The following TRPM3 variants were observed in gnomAD, a reference collection of about 807,000 sequenced individuals.
The protein encoded by TRPM3 is transient receptor potential cation channel subfamily M member 3.
TRPM3 carries 77 observed loss-of-function variants against 181.2 expected under a neutral mutation model. The ratio of observed to expected loss-of-function variants is 0.42; its 90% CI spans 0.35 to 0.51. The LOEUF is 0.51. Ranked by LOEUF, TRPM3 falls within the 20% of genes least tolerant of loss-of-function variation. The pLI, the probability that TRPM3 is intolerant of heterozygous loss-of-function variation, is 0.01. For missense variants in TRPM3, 1,759 were observed against 2,196.7 expected, an observed-to-expected ratio of 0.80 and a Z score of 3.98; for synonymous variants, 745 against 796.4, an observed-to-expected ratio of 0.94 and a Z score of 1.09.
At chr9:71,310,519 T>A (rs1242449657) in intron 1 of TRPM3, among the ~76,000 whole-genome samples, 1 of 152,078 alleles carries the variant, frequency 6.6e-6, no homozygotes, top group African/African-American at 2.4e-5. Flanking sequence ...GAAAGTAGTA[T>A]CTGTTAACAT....
intron 1 of TRPM3, among the ~76,000 whole-genome samples, chr9:71,150,767 C>T (rs949723079): frequency 6.6e-6 from 1 of 152,064 alleles, no homozygotes; most frequent in Middle Eastern, 3.4e-3. Context: ...ATCTAAATCA[C>T]ATGGAAAAAT....
chr9:70,790,472 C>T (rs2085104535), intron 6 of TRPM3, among the ~76,000 whole-genome samples: 1 of 152,120 alleles, frequency 6.6e-6, no homozygotes, highest in African/African-American at 2.4e-5. Flanking sequence ...CTTGCCTTGC[C>T]AGCTCCAGGG....
At chr9:70,889,960 C>T (rs1193229819) in intron 1 of TRPM3, among the ~76,000 whole-genome samples, 3 of 147,312 alleles carry the variant, frequency 2.0e-5, no homozygotes, top group Non-Finnish European at 3.0e-5. Context: ...ATATAACATA[C>T]TATAAAATAT....
At chr9:70,596,154 T>C (rs991719515) in intron 21 of TRPM3, among the ~76,000 whole-genome samples, 2 of 152,202 alleles carry the variant, frequency 1.3e-5, no homozygotes, top group African/African-American at 4.8e-5. Context: ...TTCTAATAAT[T>C]ACAACAATAA....
intron 20 of TRPM3, among the ~76,000 whole-genome samples, chr9:70,602,065 A>G (rs1462281385): frequency 1.3e-5 from 2 of 149,274 alleles, no homozygotes; most frequent in Non-Finnish European, 1.5e-5. Context: ...GAATGGGAAG[A>G]CCGAAGTGCA....
At chr9:70,669,913 T>A (rs532847802) in intron 9 of TRPM3, among the ~76,000 whole-genome samples, 38 of 152,150 alleles carry the variant, frequency 2.5e-4, no homozygotes, top group South Asian at 1.2e-3. Flanking sequence ...TTTAAAAAAA[T>A]TTTTGTAGAC....
chr9:71,066,842 T>C (rs2133447507), intron 1 of TRPM3, among the ~76,000 whole-genome samples: 1 of 152,334 alleles, frequency 6.6e-6, no homozygotes, highest in African/African-American at 2.4e-5. Flanking sequence ...TTCCCTCTTT[T>C]TATCTAGTCT....
Position 71,070,211 on chromosome 9 carries a change from G to A in TRPM3, c.177+50967C>T, listed in dbSNP as rs536885538. Reference sequence around the variant, plus strand: ...GAGGAGGAAATATCCTTGATCAGCAGAAAACAAAATCGGAGAAGTCTATAA... The same window carrying A: ...GAGGAGGAAATATCCTTGATCAGCAAAAAACAAAATCGGAGAAGTCTATAA... On this transcript the variant is annotated intron_variant, in intron 1 of 25. Transcript: ENST00000677713. Among the ~76,000 whole-genome samples, 9 of 152,322 alleles carry A rather than the reference G, an allele frequency of 5.9e-5. No individual in the cohort carries two copies. The East Asian group carries it at 1.5e-3, about 26-fold the overall frequency.
At chr9:71,261,850 G>A (rs761231083) in intron 1 of TRPM3, among the ~76,000 whole-genome samples, 1 of 152,162 alleles carries the variant, frequency 6.6e-6, no homozygotes, top group Non-Finnish European at 1.5e-5. Flanking sequence ...AACAGCAAAG[G>A]TTCCTGCCTG....
At chr9:70,830,093 T>A (rs60993053) in intron 5 of TRPM3, among the ~76,000 whole-genome samples, 30,306 of 152,112 alleles carry the variant, frequency 0.2, 3,191 homozygotes, top group East Asian at 0.28. Flanking sequence ...CAAAGCAGTC[T>A]GTGAGAGGCA....
intron 5 of TRPM3, among the ~76,000 whole-genome samples, chr9:70,836,505 TC>T (rs1177529525): frequency 6.6e-6 from 1 of 152,182 alleles, no homozygotes. Context: ...GCCAGTGATA[TC>T]CATCTTGATG....
At chr9:70,672,481 A>G (rs7874713) in intron 9 of TRPM3, among the ~76,000 whole-genome samples, 99,895 of 152,030 alleles carry the variant, frequency 0.66, 33,240 homozygotes, top group African/African-American at 0.76. Flanking sequence ...TTTATCTTTA[A>G]ACTTTGGTCA....
At chr9:71,201,236 G>T (rs1045606713) in intron 1 of TRPM3, among the ~76,000 whole-genome samples, 1 of 152,006 alleles carries the variant, frequency 6.6e-6, no homozygotes, top group Admixed American at 6.6e-5. Flanking sequence ...TTTCTGCTGA[G>T]ACATCTGCTG....
In TRPM3 at chr9:70,536,154, C is replaced by T. The variant is rs529248448; in HGVS notation, c.4959G>A (p.Glu1653=). Residue 1653 remains glutamate (E), a synonymous_variant, in exon 26 of 26, where the codon GAG becomes GAA. Coordinates refer to ENST00000677713, the MANE Select transcript of TRPM3 (RefSeq NM_001366145.2). ...KIERANSYSA[E]EPSAPYAHTR... ...TGTGTGCATATGGCGCACTTGGCTC[C>T]TCTGCCGAGTAGCTGTTGGCGCGCT... 9 of 1,614,184 alleles carry T rather than the reference C, an allele frequency of 5.6e-6. No individual in the cohort carries two copies. The South Asian group carries it at 6.6e-5, about 12-fold the overall frequency.
Position 71,100,550 on chromosome 9 carries a change from C to A in TRPM3, c.177+20628G>T, listed in dbSNP as rs117475716. Among the ~76,000 whole-genome samples the A allele has an allele frequency of 4.8e-3, 736 of 152,228 alleles. 17 individuals are homozygous for A. The East Asian group carries it at 0.077, about 16-fold the overall frequency. ...CCCACACTCACCTGGGAGGTATATA[C>A]AAAGTAATATAAGTAAAATGTATAA... is the stretch of plus-strand genomic sequence containing the variant. On this transcript the variant is annotated intron_variant, in intron 1 of 25. Coordinates refer to ENST00000677713, the MANE Select transcript of TRPM3 (RefSeq NM_001366145.2).
intron 1 of TRPM3, among the ~76,000 whole-genome samples, chr9:70,880,509 T>C (rs925436327): frequency 7.9e-5 from 12 of 152,218 alleles, no homozygotes; most frequent in African/African-American, 2.6e-4. Flanking sequence ...TTTTCTATGT[T>C]AAAAAAATAA....
chr9:71,313,795 CTT>C (rs1286922213), intron 1 of TRPM3, among the ~76,000 whole-genome samples: 21 of 152,080 alleles, frequency 1.4e-4, no homozygotes, highest in African/African-American at 5.1e-4. Flanking sequence ...TACTGAAACT[CTT>C]TTTCTTTTTC....
intron 1 of TRPM3, among the ~76,000 whole-genome samples, chr9:71,343,110 G>A (rs7852227): frequency 0.21 from 32,499 of 151,760 alleles, 4,003 homozygotes; most frequent in Middle Eastern, 0.31. Flanking sequence ...AAGGGAGGGG[G>A]GTAAAAGAGT....
chr9:70,998,701 C>T (rs1329962384), intron 1 of TRPM3, among the ~76,000 whole-genome samples: 4 of 152,132 alleles, frequency 2.6e-5, no homozygotes, highest in African/African-American at 9.7e-5. Context: ...TCTTCCTTTC[C>T]CTCTCCTTCC....
Sources: allele counts gnomAD v4.1 joint callset (sites outside exome capture counted in the v4.1 genomes callset), GRCh38; gene constraint gnomAD v4.1.1; transcripts MANE v1.5; gene names NCBI Gene and HGNC (gene_info 2026-07-23, HGNC 2026-07-21).